The following ERBB4 variants were observed in gnomAD, a reference collection of about 807,000 sequenced individuals.
ERBB4 encodes the protein receptor tyrosine-protein kinase erbB-4.
Under a neutral mutation model 158.0 loss-of-function variants are expected in ERBB4, and 42 were observed. The observed-to-expected ratio is 0.27, with a 90% CI of 0.21 to 0.34. The LOEUF (loss-of-function observed/expected upper bound fraction) is 0.34, where lower values mean the gene tolerates loss of function less well. Ranked by LOEUF, ERBB4 falls within the 10% of genes least tolerant of loss-of-function variation. The pLI is 1.00. For missense variants in ERBB4, 1,333 were observed against 1,624.1 expected (o/e 0.82, Z 3.08); for synonymous variants, 583 against 558.7 (o/e 1.04, Z -0.61).
At chr2:211,995,348 T>A (rs1453338659) in intron 2 of ERBB4, among the ~76,000 whole-genome samples, 1 of 152,218 alleles carries the variant, frequency 6.6e-6, no homozygotes, top group Non-Finnish European at 1.5e-5. Context: ...ATTGCAATAG[T>A]TCTTATGTGT....
intron 1 of ERBB4, among the ~76,000 whole-genome samples, chr2:212,275,785 C>A (rs1031342176): frequency 6.6e-6 from 1 of 151,776 alleles, no homozygotes; most frequent in African/African-American, 2.4e-5. Flanking sequence ...GGCAAAATAT[C>A]CAACTAGCAT....
chr2:212,052,806 C>CT (rs1019042257), intron 2 of ERBB4, among the ~76,000 whole-genome samples: 1 of 152,180 alleles, frequency 6.6e-6, no homozygotes, highest in African/African-American at 2.4e-5. Flanking sequence ...TCTTTCAACA[C>CT]TGTAGTGACA....
At chr2:212,122,341 T>G (rs2079782243) in intron 2 of ERBB4, among the ~76,000 whole-genome samples, 1 of 150,338 alleles carries the variant, frequency 6.7e-6, no homozygotes, top group African/African-American at 2.4e-5. Context: ...ATGACATGAA[T>G]GGGTACATGT....
At chr2:211,430,777 T>C (rs1424770286) in intron 21 of ERBB4, among the ~76,000 whole-genome samples, 168 bp downstream of exon 21, 2 of 151,458 alleles carry the variant, frequency 1.3e-5, no homozygotes, top group Non-Finnish European at 2.9e-5. Flanking sequence ...GATATATATA[T>C]ACACACACAT....
intron 12 of ERBB4, among the ~76,000 whole-genome samples, chr2:211,689,566 C>T (rs150777713): frequency 3.1e-3 from 471 of 152,030 alleles, no homozygotes; most frequent in Admixed American, 5.2e-3. Flanking sequence ...TGACTTCGCA[C>T]TAATTTATAA....
chr2:212,110,668 C>G (rs6435691), intron 2 of ERBB4, among the ~76,000 whole-genome samples: 64,684 of 152,186 alleles, frequency 0.43, 15,141 homozygotes, highest in Non-Finnish European at 0.54. Flanking sequence ...CACCGGACTG[C>G]TTTCAAATTA....
rs1187327645 is a variant in ERBB4, at chr2:212,141,108, A to G, written c.83-16205T>C. 2.6e-5 allele frequency among the ~76,000 whole-genome samples: 4 copies of G among 151,934 alleles called. No homozygotes were observed. In the East Asian group the frequency reaches 7.7e-4, roughly 29 times the overall value. The stretch of plus-strand genomic sequence containing the variant: ...TTGTTTTGAATTATTTAGGTTCAAT[A>G]GTAGTATATTTCCGTCAAGTAAAAA... On this transcript the variant is annotated intron_variant, in intron 1 of 27. Transcript: ENST00000342788.
intron 1 of ERBB4, among the ~76,000 whole-genome samples, chr2:212,306,522 A>G (rs1050156210): frequency 1.3e-5 from 2 of 151,576 alleles, no homozygotes; most frequent in East Asian, 3.9e-4. Flanking sequence ...TTTCATCCAT[A>G]GCTGATTTCC....
At chr2:212,221,695 T>C (rs1449293771) in intron 1 of ERBB4, among the ~76,000 whole-genome samples, 4 of 151,554 alleles carry the variant, frequency 2.6e-5, no homozygotes, top group African/African-American at 7.2e-5. Flanking sequence ...CATTTGAAAA[T>C]CTTATCCTAA....
At chr2:211,984,534 C>T (rs766831977) in intron 2 of ERBB4, among the ~76,000 whole-genome samples, 29 of 152,010 alleles carry the variant, frequency 1.9e-4, no homozygotes, top group Non-Finnish European at 2.2e-4. Context: ...TACATGTGCC[C>T]GTGTCTTTAA....
rs150389456 is a variant in ERBB4 at position 211,698,168 on chromosome 2, T to C, written c.1489+3799A>G. On this transcript the variant is annotated intron_variant, in intron 12 of 27. Transcript: ENST00000342788. ...CCCGTCTCTACTAAAAATACAAAAT[T>C]AGGCGTGGTGGCGCCTGCCTGTAAT... Among the ~76,000 whole-genome samples the C allele has an allele frequency of 6.6e-3, 1,009 of 151,770 alleles. 13 individuals are homozygous for C. Among genetic ancestry groups the C allele is most frequent in the Non-Finnish European group, 9.4e-3 (640 of 67,870 alleles).
chr2:211,896,527 T>C (rs1278708785), intron 3 of ERBB4, among the ~76,000 whole-genome samples: 1 of 152,158 alleles, frequency 6.6e-6, no homozygotes, highest in Non-Finnish European at 1.5e-5. Flanking sequence ...TATAGTAGGT[T>C]TCTAATGGAT....
chr2:211,573,204 C>T (rs1210834351), intron 19 of ERBB4, among the ~76,000 whole-genome samples: 1 of 152,122 alleles, frequency 6.6e-6, no homozygotes, highest in Non-Finnish European at 1.5e-5. Flanking sequence ...GATGCCCCCA[C>T]AAGCCAAGGA....
chr2:211,857,117 G>A (rs2106055911), intron 3 of ERBB4, among the ~76,000 whole-genome samples: 1 of 151,900 alleles, frequency 6.6e-6, no homozygotes, highest in South Asian at 2.1e-4. Context: ...ATTTTATTCT[G>A]AGTTTTTGTT....
At chr2:211,488,626 A>C (rs1003219720) in intron 20 of ERBB4, among the ~76,000 whole-genome samples, 1 of 152,088 alleles carries the variant, frequency 6.6e-6, no homozygotes, top group African/African-American at 2.4e-5. Context: ...TGAAATATAA[A>C]ATATTACAAA....
At chr2:212,196,737 T>C (rs996348538) in intron 1 of ERBB4, among the ~76,000 whole-genome samples, 7 of 152,124 alleles carry the variant, frequency 4.6e-5, no homozygotes, top group African/African-American at 1.4e-4. Flanking sequence ...TTAAATGAAA[T>C]AGTATGGTTT....
chr2:211,806,354 T>C (rs1444926775), intron 3 of ERBB4, among the ~76,000 whole-genome samples: 1 of 152,124 alleles, frequency 6.6e-6, no homozygotes, highest in Non-Finnish European at 1.5e-5. Flanking sequence ...GAAATTCTTT[T>C]TAACTTAGAA....
intron 1 of ERBB4, among the ~76,000 whole-genome samples, chr2:212,474,779 G>T (rs1185474015): frequency 1.4e-5 from 2 of 145,772 alleles, no homozygotes; most frequent in African/African-American, 2.6e-5. Context: ...AAATAAACTT[G>T]CCAAAACATA....
chr2:211,714,081 T>C lies in ERBB4; in HGVS notation c.884-433A>G, dbSNP rs561616048. 2.6e-5 allele frequency among the ~76,000 whole-genome samples: 4 copies of C among 152,288 alleles called. No individual in the cohort carries two copies. In the East Asian group the frequency reaches 7.7e-4, roughly 29 times the overall value. Reference sequence around the variant, plus strand: ...AGTACATTTCACATCCAGGAGAAAATGCTCAAAATGTGTTCTATTTTTCAG... The same window carrying C: ...AGTACATTTCACATCCAGGAGAAAACGCTCAAAATGTGTTCTATTTTTCAG... On this transcript the variant is annotated intron_variant, in intron 7 of 27. Coordinates refer to ENST00000342788, the MANE Select transcript of ERBB4 (RefSeq NM_005235.3).
Sources: gnomAD v4.1 joint callset for allele counts (sites outside exome capture counted in the v4.1 genomes callset) on GRCh38, gnomAD v4.1.1 for gene constraint, MANE v1.5 for transcripts, NCBI Gene and HGNC (gene_info 2026-07-23, HGNC 2026-07-21) for gene names.